The following RBL1 variants were observed in gnomAD, a reference collection of about 807,000 sequenced individuals.
RBL1 encodes retinoblastoma-like protein 1.
A neutral mutation model predicts 123.0 loss-of-function variants in RBL1; 82 were observed. The ratio of observed to expected loss-of-function variants is 0.67; its 90% CI spans 0.56 to 0.80. The LOEUF (loss-of-function observed/expected upper bound fraction) is 0.80. Among genes scored for constraint, RBL1 ranks in the 30% least tolerant of loss-of-function variants. The probability of loss-of-function intolerance (pLI) is 0.00; values close to 1 mark genes in which losing one functional copy is unlikely to be tolerated. For synonymous variants in RBL1, 405 were observed against 441.3 expected, an observed-to-expected ratio of 0.92 and a Z score of 1.03; for missense variants, 1,171 against 1,299.6, an observed-to-expected ratio of 0.90 and a Z score of 1.52.
intron 12 of RBL1, among the ~76,000 whole-genome samples, chr20:37,046,657 G>C (rs1440557285): frequency 1.3e-5 from 2 of 150,812 alleles, no homozygotes; most frequent in African/African-American, 4.9e-5. Context: ...GTCTAGGCTG[G>C]AGTGTAATTG....
chr20:37,079,937 A>G (rs1351285117), intron 2 of RBL1, among the ~76,000 whole-genome samples: 1 of 152,188 alleles, frequency 6.6e-6, no homozygotes, highest in East Asian at 1.9e-4. Context: ...TAGAAACATC[A>G]ATTTCAAGAC....
intron 2 of RBL1, among the ~76,000 whole-genome samples, chr20:37,080,004 A>T (rs941170088): frequency 3.3e-5 from 5 of 152,184 alleles, no homozygotes; most frequent in Non-Finnish European, 7.3e-5. Flanking sequence ...TAATAAATTT[A>T]AAAAAATAGT....
chr20:37,063,338 T>A (rs1242817600), intron 7 of RBL1, among the ~76,000 whole-genome samples: 3 of 151,978 alleles, frequency 2.0e-5, no homozygotes, highest in Admixed American at 2.0e-4. Flanking sequence ...ACTTCGAGCT[T>A]GGCTGAGTAG....
chr20:37,078,742 T>C (rs1248725616), intron 2 of RBL1, among the ~76,000 whole-genome samples: 3 of 152,088 alleles, frequency 2.0e-5, no homozygotes, highest in African/African-American at 7.2e-5. Flanking sequence ...AAAAGTAGAA[T>C]GGTGGTTGCT....
intron 19 of RBL1, among the ~76,000 whole-genome samples, chr20:37,017,776 G>A (rs937291083): frequency 1.3e-5 from 2 of 151,922 alleles, no homozygotes; most frequent in Admixed American, 6.6e-5. Context: ...GACTACAGGC[G>A]TATACCACCA....
At chr20:37,055,182 GAAACA>G (rs2064982204) in intron 11 of RBL1, among the ~76,000 whole-genome samples, 2 of 151,400 alleles carry the variant, frequency 1.3e-5, no homozygotes, top group South Asian at 2.1e-4. Flanking sequence ...CATAGTTAAA[GAAACA>G]AAACAAAACA....
At chr20:37,015,481 A>G (rs375545435) in intron 19 of RBL1, among the ~76,000 whole-genome samples, 9 of 151,808 alleles carry the variant, frequency 5.9e-5, no homozygotes, top group Admixed American at 5.9e-4. Flanking sequence ...CCCAGGGTAG[A>G]GTGCAGTGGC....
chr20:36,999,754 G>A lies in RBL1; in HGVS notation c.3037-825C>T, dbSNP rs1472528853. On this transcript the variant is annotated intron_variant, in intron 21 of 21. Transcript: ENST00000373664. ...AGTGATCCGCCAGCCTCGGCCTCCC[G>A]AGGTGCCGGGATGGCAGACGGAGTC... Among the ~76,000 whole-genome samples the A allele has an allele frequency of 4.6e-5, 7 of 152,368 alleles. No homozygotes were observed. In the East Asian group the frequency reaches 1.4e-3, roughly 29 times the overall value.
At chr20:37,064,774 T>C (rs778592104) in intron 7 of RBL1, among the ~76,000 whole-genome samples, 39 of 152,046 alleles carry the variant, frequency 2.6e-4, no homozygotes, top group Non-Finnish European at 4.4e-4. Flanking sequence ...CACACCCAGA[T>C]AATTTTTGAA....
intron 2 of RBL1, among the ~76,000 whole-genome samples, chr20:37,071,871 G>GT (rs1356741471): frequency 6.6e-6 from 1 of 152,100 alleles, no homozygotes; most frequent in Non-Finnish European, 1.5e-5. Flanking sequence ...TTCACCTACC[G>GT]TGACTGTAAA....
chr20:37,020,618 T>G (rs2064326777), intron 18 of RBL1, 41 bp downstream of exon 18: 1 of 1,327,176 alleles, frequency 7.5e-7, no homozygotes, highest in Admixed American at 2.2e-5. Flanking sequence ...TGGAAAAGAG[T>G]AAATCTATTT....
intron 20 of RBL1, 133 bp downstream of exon 20, chr20:37,007,278 C>G: frequency 7.6e-6 from 7 of 915,086 alleles, no homozygotes; most frequent in Non-Finnish European, 9.8e-6. Context: ...GCCTTAATCA[C>G]TGATTAAGTT....
intron 11 of RBL1, among the ~76,000 whole-genome samples, chr20:37,050,493 T>C (rs187157771): frequency 0.014 from 1,718 of 126,614 alleles, 40 homozygotes; most frequent in African/African-American, 0.05. Context: ...TGCAGTGAGC[T>C]GAGATTGCAC....
In RBL1 at chr20:37,061,162, T is replaced by C. The variant is rs748226553; in HGVS notation, c.1191A>G (p.Leu397=). The change falls in exon 9 of 22, where the codon TTA becomes TTG. Residue 397 remains leucine (L), a synonymous_variant. Coordinates refer to ENST00000373664, the MANE Select transcript of RBL1 (RefSeq NM_002895.5). ...VASATQSVSR[L]QSIVAGLKNA... is the part of the protein sequence containing the mutation. ...TTTTCAGACCAGCCACAATACTCTG[T>C]AACCGGCTCACACTTTGGGTGGCTG... The C allele has an allele frequency of 9.9e-6, 16 of 1,614,016 alleles. No individual in the cohort carries two copies. Among genetic ancestry groups the C allele is most frequent in the Non-Finnish European group, 1.4e-5 (16 of 1,179,918 alleles).
chr20:37,061,418 G>C, intron 8 of RBL1, 149 bp from the exon 9 acceptor site: 1 of 1,181,764 alleles, frequency 8.5e-7, no homozygotes. Context: ...CCTTATATTT[G>C]AATAACACTT....
intron 2 of RBL1, among the ~76,000 whole-genome samples, chr20:37,072,551 A>T (rs1280741295): frequency 6.6e-6 from 1 of 152,224 alleles, no homozygotes; most frequent in Non-Finnish European, 1.5e-5. Context: ...TTTGCATGTG[A>T]AACCCTCTGC....
chr20:36,998,980 G>GCAGCAAA, intron 21 of RBL1, 51 bp from the exon 22 acceptor site: 1 of 1,530,042 alleles, frequency 6.5e-7, no homozygotes, highest in South Asian at 1.2e-5. Context: ...AGGGGAAATG[G>GCAGCAAA]CAGCAAACAA....
chr20:37,035,288 G>A lies in RBL1; in HGVS notation c.2124C>T (p.Ala708=), dbSNP rs774826974. ...TATGTCCTGTTGTTCCTGTTACTGG[G>A]GCTGTGGCCATTGTTAGAAGAGTTT... ...PGQTLLTMAT[A]PVTGTTGHKV... Residue 708 remains alanine (A), a synonymous_variant, in exon 15 of 22, where the codon GCC becomes GCT. Transcript: ENST00000373664. The A allele has an allele frequency of 6.2e-7, 1 of 1,613,778 alleles. No homozygotes were observed. Among genetic ancestry groups the A allele is most frequent in the Non-Finnish European group, 8.5e-7 (1 of 1,179,758 alleles).
chr20:37,075,831 G>C (rs767559224), intron 2 of RBL1, among the ~76,000 whole-genome samples: 2 of 152,234 alleles, frequency 1.3e-5, no homozygotes, highest in South Asian at 4.1e-4. Flanking sequence ...CTTTCATCCA[G>C]AAATTACTTT....
Sources: gnomAD v4.1 joint callset for allele counts (sites outside exome capture counted in the v4.1 genomes callset) on GRCh38, gnomAD v4.1.1 for gene constraint, MANE v1.5 for transcripts, NCBI Gene and HGNC (gene_info 2026-07-23, HGNC 2026-07-21) for gene names.